AGBL4: variants seen among roughly 807,000 people sequenced by gnomAD.
The protein encoded by AGBL4 is cytosolic carboxypeptidase 6.
Under a neutral mutation model 66.4 loss-of-function variants are expected in AGBL4, and 58 were observed. The observed-to-expected ratio is 0.87, with a 90% confidence interval of 0.71 to 1.09. The LOEUF is 1.09. Among genes scored for constraint, AGBL4 ranks in the 50% least tolerant of loss-of-function variants. AGBL4 has a pLI of 0.00. For missense variants in AGBL4, 579 were observed against 631.0 expected (o/e 0.92, Z 0.88); for synonymous variants, 234 against 222.9 (o/e 1.05, Z -0.44).
chr1:49,335,226 T>G (rs895617818), intron 3 of AGBL4, among the ~76,000 whole-genome samples: 3 of 152,208 alleles, frequency 2.0e-5, no homozygotes, highest in African/African-American at 7.2e-5. Flanking sequence ...TGAGTCATTT[T>G]TTATTTCTTC....
intron 1 of AGBL4, among the ~76,000 whole-genome samples, chr1:49,935,300 C>G (rs1033023683): frequency 2.0e-5 from 3 of 152,242 alleles, no homozygotes; most frequent in African/African-American, 7.2e-5. Context: ...CGCCATTGCC[C>G]AGGCTTGCTT....
At chr1:48,847,192 C>T (rs929070030) in intron 6 of AGBL4, among the ~76,000 whole-genome samples, 1 of 152,000 alleles carries the variant, frequency 6.6e-6, no homozygotes, top group Non-Finnish European at 1.5e-5. Flanking sequence ...CCCAGCTACT[C>T]GGGAGGCTGA....
intron 9 of AGBL4, among the ~76,000 whole-genome samples, chr1:48,621,024 T>C (rs1171704843): frequency 1.3e-5 from 2 of 152,182 alleles, no homozygotes; most frequent in African/African-American, 4.8e-5. Context: ...CCAGTCCTTC[T>C]GGCTGACAGG....
intron 3 of AGBL4, among the ~76,000 whole-genome samples, chr1:49,692,246 T>C (rs756245953): frequency 6.6e-6 from 1 of 152,188 alleles, no homozygotes; most frequent in Non-Finnish European, 1.5e-5. Flanking sequence ...CAAGAGATTA[T>C]TTAAACTGAT....
rs1557521996 is a variant in AGBL4, at chr1:48,978,893, C to A, written c.594+66691G>T. Among the ~76,000 whole-genome samples, 3 of 151,972 alleles carry A rather than the reference C, an allele frequency of 2.0e-5. No homozygotes were observed. In the East Asian group the frequency reaches 5.8e-4, roughly 29 times the overall value. ...AATAAATTTGTTTTTCTTTTGAGAA[C>A]AAAGAGTAAAAGAAGCAAAGATACC... On this transcript the variant is annotated intron_variant, in intron 5 of 13. Coordinates refer to ENST00000371839, the MANE Select transcript of AGBL4 (RefSeq NM_032785.4).
chr1:49,465,124 G>T (rs1337496385), intron 3 of AGBL4, among the ~76,000 whole-genome samples: 1 of 151,080 alleles, frequency 6.6e-6, no homozygotes, highest in Non-Finnish European at 1.5e-5. Context: ...GAGCTATTTT[G>T]AGAAAATATA....
intron 6 of AGBL4, among the ~76,000 whole-genome samples, chr1:48,855,782 A>C (rs1451887613): frequency 1.3e-5 from 2 of 152,174 alleles, no homozygotes; most frequent in Non-Finnish European, 2.9e-5. Context: ...CTACAGATAA[A>C]AATTGGAACA....
At chr1:49,473,966 C>T (rs1216751971) in intron 3 of AGBL4, among the ~76,000 whole-genome samples, 1 of 151,950 alleles carries the variant, frequency 6.6e-6, no homozygotes, top group Non-Finnish European at 1.5e-5. Flanking sequence ...TTTCAGAGGT[C>T]TCTATTCAGT....
chr1:49,680,217 T>C (rs1401317031), intron 3 of AGBL4, among the ~76,000 whole-genome samples: 1 of 151,450 alleles, frequency 6.6e-6, no homozygotes, highest in Admixed American at 6.6e-5. Flanking sequence ...CACCCAGCTA[T>C]TTTTTGTATT....
At chr1:49,126,283 C>T (rs1645762493) in intron 4 of AGBL4, among the ~76,000 whole-genome samples, 1 of 152,080 alleles carries the variant, frequency 6.6e-6, no homozygotes, top group South Asian at 2.1e-4. Flanking sequence ...ACTAACTTGC[C>T]CAGGCTGCTG....
intron 1 of AGBL4, among the ~76,000 whole-genome samples, chr1:49,963,469 T>C (rs769932896): frequency 1.1e-4 from 16 of 152,216 alleles, no homozygotes; most frequent in Non-Finnish European, 8.8e-5. Context: ...TTATTTGAAC[T>C]GCTGCAGTAT....
intron 9 of AGBL4, among the ~76,000 whole-genome samples, chr1:48,597,631 A>G (rs1281603883): frequency 1.3e-5 from 2 of 149,952 alleles, no homozygotes; most frequent in Admixed American, 6.7e-5. Flanking sequence ...AAATGGAGAT[A>G]AAGATTTTCC....
chr1:49,570,161 T>C (rs942251027), intron 3 of AGBL4, among the ~76,000 whole-genome samples: 3 of 152,120 alleles, frequency 2.0e-5, no homozygotes, highest in African/African-American at 7.2e-5. Flanking sequence ...CATACTTTTT[T>C]TTCCCATGGA....
intron 5 of AGBL4, among the ~76,000 whole-genome samples, chr1:49,043,521 G>T (rs757970025): frequency 2.0e-5 from 3 of 152,064 alleles, no homozygotes; most frequent in Non-Finnish European, 4.4e-5. Context: ...TAGCCCTAGA[G>T]AATTTCACTG....
Position 48,760,680 on chromosome 1 carries a change from C to T in AGBL4, c.635-97439G>A, listed in dbSNP as rs929486952. On this transcript the variant is annotated intron_variant, in intron 6 of 13. Coordinates refer to ENST00000371839, the MANE Select transcript of AGBL4 (RefSeq NM_032785.4). ...CTCAGCTACATTCCTTGGGAACACCCTCAACCTTGTGACCAAAATCAGACC... is the reference window on the plus strand; with the variant it reads ...CTCAGCTACATTCCTTGGGAACACCTTCAACCTTGTGACCAAAATCAGACC... Among the ~76,000 whole-genome samples, 5 of 152,144 alleles carry T rather than the reference C, an allele frequency of 3.3e-5. 1 individual carries two copies. The highest frequency in any genetic ancestry group is 1.2e-4 in the African/African-American group (5 of 41,418).
At chr1:49,160,223 G>A (rs1328306168) in intron 4 of AGBL4, among the ~76,000 whole-genome samples, 1 of 152,150 alleles carries the variant, frequency 6.6e-6, no homozygotes, top group Non-Finnish European at 1.5e-5. Flanking sequence ...GATCTTTGAT[G>A]TTGGTGACAT....
intron 3 of AGBL4, among the ~76,000 whole-genome samples, chr1:49,433,980 A>G (rs1196875805): frequency 6.6e-6 from 1 of 152,206 alleles, no homozygotes; most frequent in Non-Finnish European, 1.5e-5. Flanking sequence ...AAAAGTCAGT[A>G]AGAGGAAGAA....
chr1:48,718,777 T>A lies in AGBL4; in HGVS notation c.635-55536A>T, dbSNP rs1647094851. On this transcript the variant is annotated intron_variant, in intron 6 of 13. Coordinates refer to ENST00000371839, the MANE Select transcript of AGBL4 (RefSeq NM_032785.4). ...TTTGCACACATATTATAATTGAGCCTGTATAACTGAGGCTCATAGGAAGGA... is the reference window on the plus strand; with the variant it reads ...TTTGCACACATATTATAATTGAGCCAGTATAACTGAGGCTCATAGGAAGGA... 3.3e-5 allele frequency among the ~76,000 whole-genome samples: 5 copies of A among 152,118 alleles called. No homozygotes were observed. The South Asian group carries it at 1.0e-3, about 32-fold the overall frequency.
At chr1:48,945,326 T>G (rs964323836) in intron 5 of AGBL4, among the ~76,000 whole-genome samples, 3 of 152,116 alleles carry the variant, frequency 2.0e-5, no homozygotes, top group African/African-American at 7.2e-5. Context: ...GGTTTGGAAA[T>G]AGCAGGACCA....
Sources: gnomAD v4.1 joint callset for allele counts (sites outside exome capture counted in the v4.1 genomes callset) on GRCh38, gnomAD v4.1.1 for gene constraint, MANE v1.5 for transcripts, NCBI Gene and HGNC (gene_info 2026-07-23, HGNC 2026-07-21) for gene names.